The following ZMYM4 variants were observed in gnomAD, a reference collection of about 807,000 sequenced individuals.
The protein encoded by ZMYM4 is zinc finger MYM-type protein 4.
ZMYM4 carries 31 observed loss-of-function variants against 183.2 expected under a neutral mutation model. That is an observed-to-expected ratio of 0.17 (90% CI 0.13 to 0.23). The LOEUF is 0.23. ZMYM4 is among the 10% of genes least tolerant of loss of function. The probability of loss-of-function intolerance (pLI) is 1.00; values close to 1 mark genes in which losing one functional copy is unlikely to be tolerated. For missense variants in ZMYM4, 1,273 were observed against 1,840.3 expected (o/e 0.69, Z 5.64); for synonymous variants, 592 against 631.2 (o/e 0.94, Z 0.93).
At chr1:35,367,314 AC>A (rs1644109163) in intron 5 of ZMYM4, among the ~76,000 whole-genome samples, 2 of 151,236 alleles carry the variant, frequency 1.3e-5, no homozygotes, top group Non-Finnish European at 2.9e-5. Flanking sequence ...CTGCCCTCCC[AC>A]CACCCTGGGT....
chr1:35,276,471 C>T (rs1051621313), intron 1 of ZMYM4, among the ~76,000 whole-genome samples: 3 of 152,102 alleles, frequency 2.0e-5, no homozygotes, highest in Non-Finnish European at 2.9e-5. Flanking sequence ...TTCCTTAATC[C>T]AGTCTGTGTT....
rs552272129 is a variant in ZMYM4, at chr1:35,408,289, C to A, written c.3948+130C>A. The A allele has an allele frequency of 7.1e-5, 85 of 1,193,812 alleles. 1 individual carries two copies. In the South Asian group the frequency reaches 1.3e-3, roughly 18 times the overall value. The allele number at this position is 1,193,812 out of a possible 1,614,324, so 74.0% of individuals were successfully genotyped here. A position where few individuals can be genotyped will look rare whatever the true frequency, so the allele number is the denominator to read the frequency against. On this transcript the variant is annotated intron_variant, in intron 26 of 29. Coordinates refer to ENST00000314607, the MANE Select transcript of ZMYM4 (RefSeq NM_005095.3). ...ATTTTCATTGGAACATTGTTTTTAA[C>A]AACAAATTGGAAACCGCTCAAGTGT...
Position 35,392,665 on chromosome 1 carries a change from C to G in ZMYM4, c.2747C>G (p.Thr916Arg). The change falls in exon 17 of 30, where the codon ACA becomes AGA. Residue 916 changes from threonine (T) to arginine (R), a missense_variant. This residue lies in a region of ZMYM4 where 290 missense variants were observed against 353.3 expected (regional missense o/e 0.82). Coordinates refer to ENST00000314607, the MANE Select transcript of ZMYM4 (RefSeq NM_005095.3). ...SVLQGAVPTVTAKIIGDASTQ... is the reference protein window; with the variant it reads ...SVLQGAVPTVRAKIIGDASTQ... ...TATCAAGGTGCAGTTCCAACAGTAA[C>G]AGCGAAAATCATCGGTGATGTAAGT... 1 of 1,594,408 alleles carries G rather than the reference C, an allele frequency of 6.3e-7. No homozygotes were observed. Among genetic ancestry groups the G allele is most frequent in the Non-Finnish European group, 8.5e-7 (1 of 1,174,576 alleles).
intron 1 of ZMYM4, among the ~76,000 whole-genome samples, chr1:35,274,252 G>T (rs1212803560): frequency 6.6e-6 from 1 of 152,178 alleles, no homozygotes; most frequent in Non-Finnish European, 1.5e-5. Context: ...CAAATACAGT[G>T]ATTCTGCATT....
chr1:35,352,255 GCGCA>G (rs1397968222), intron 2 of ZMYM4, among the ~76,000 whole-genome samples: 9 of 99,356 alleles, frequency 9.1e-5, no homozygotes, highest in South Asian at 3.5e-4. Flanking sequence ...AAAAATTAGC[GCGCA>G]CGCGCGCGCG....
In ZMYM4 at chr1:35,387,078, C is replaced by T. The variant is rs2148980329; in HGVS notation, c.1912C>T (p.Pro638Ser). 6.2e-7 allele frequency: 1 copy of T among 1,614,196 alleles called. No homozygotes were observed. Among genetic ancestry groups the T allele is most frequent in the East Asian group, 2.2e-5 (1 of 44,890 alleles). Residue 638 changes from proline to serine, a missense_variant, in exon 12 of 30, where the codon CCC becomes TCC. This residue lies in a region of ZMYM4 where 319 missense variants were observed against 518.1 expected (regional missense o/e 0.62). Transcript: ENST00000314607. ...LSQGQVIVSI[P>S]TGSTVSAGGG... ...TCAGGGCCAAGTAATTGTAAGCATCCCCACAGGTTCCACAGTGTCAGCCGG... is the reference window on the plus strand; with the variant it reads ...TCAGGGCCAAGTAATTGTAAGCATCTCCACAGGTTCCACAGTGTCAGCCGG...
At chr1:35,287,439 TTAAAAC>T (rs778577238) in intron 1 of ZMYM4, among the ~76,000 whole-genome samples, 9 of 151,918 alleles carry the variant, frequency 5.9e-5, no homozygotes, top group Non-Finnish European at 1.2e-4. Flanking sequence ...GTTTTTGTCT[TTAAAAC>T]TAAAAATCTT....
At chr1:35,308,152 T>C (rs1052979382) in intron 1 of ZMYM4, among the ~76,000 whole-genome samples, 2 of 152,132 alleles carry the variant, frequency 1.3e-5, no homozygotes, top group African/African-American at 4.8e-5. Context: ...TCATCACACC[T>C]GGCTAATTTT....
intron 1 of ZMYM4, among the ~76,000 whole-genome samples, chr1:35,272,924 C>T (rs1639690667): frequency 6.6e-6 from 1 of 152,122 alleles, no homozygotes; most frequent in African/African-American, 2.4e-5. Context: ...CCATGTTAGC[C>T]AGGATGGTCT....
chr1:35,372,435 A>G (rs1644233979), intron 7 of ZMYM4, among the ~76,000 whole-genome samples: 1 of 152,040 alleles, frequency 6.6e-6, no homozygotes. Context: ...TTAGTTAGAA[A>G]GAATTGAAGA....
intron 25 of ZMYM4, among the ~76,000 whole-genome samples, chr1:35,407,540 T>C (rs1055896567): frequency 1.3e-5 from 2 of 152,180 alleles, no homozygotes; most frequent in Non-Finnish European, 2.9e-5. Context: ...GAGACAAATA[T>C]AGTATCTTGT....
In ZMYM4 at chr1:35,281,906, T is replaced by TA. The variant is rs1570240820; in HGVS notation, c.39+12822dup. Among the ~76,000 whole-genome samples, 7 of 152,212 alleles carry TA rather than the reference T, an allele frequency of 4.6e-5. No individual in the cohort carries two copies. In the East Asian group the frequency reaches 1.3e-3, roughly 29 times the overall value. ...TAGATATTTCATGTAAGTGGACTCA[T>TA]ACAATATTTATCCTTTGGTGTCTGA... On this transcript the variant is annotated intron_variant, in intron 1 of 29. Transcript: ENST00000314607.
intron 1 of ZMYM4, among the ~76,000 whole-genome samples, chr1:35,283,525 A>T (rs1252044844): frequency 6.6e-6 from 1 of 150,394 alleles, no homozygotes; most frequent in Admixed American, 6.6e-5. Flanking sequence ...TTTTTAGTAG[A>T]GACAGGTTTC....
intron 1 of ZMYM4, among the ~76,000 whole-genome samples, chr1:35,308,444 A>C (rs1272496828): frequency 6.6e-6 from 1 of 152,148 alleles, no homozygotes; most frequent in Non-Finnish European, 1.5e-5. Context: ...GAAATTTCAG[A>C]CTTTTAGGCC....
intron 1 of ZMYM4, among the ~76,000 whole-genome samples, chr1:35,300,084 T>C (rs939317687): frequency 6.6e-6 from 1 of 152,100 alleles, no homozygotes; most frequent in Non-Finnish European, 1.5e-5. Flanking sequence ...CATGAGCCAC[T>C]ATGCCCGGCA....
intron 23 of ZMYM4, among the ~76,000 whole-genome samples, chr1:35,401,623 C>G (rs1242029163): frequency 6.6e-6 from 1 of 151,940 alleles, no homozygotes; most frequent in Admixed American, 6.6e-5. Flanking sequence ...TGAGGAAGTC[C>G]CTTTTATCAA....
rs377032455 is a variant in ZMYM4, at chr1:35,297,557, T to C, written c.40-27803T>C. Among the ~76,000 whole-genome samples the C allele has an allele frequency of 2.6e-5, 4 of 152,314 alleles. No individual in the cohort carries two copies. In the East Asian group the frequency reaches 7.7e-4, roughly 29 times the overall value. On this transcript the variant is annotated intron_variant, in intron 1 of 29. Transcript: ENST00000314607. Reference sequence around the variant, plus strand: ...TTCTCTGACTGTGACTTGAGCTGACTTAACGGACCTGAACTTGTTATTTTC... The same window carrying C: ...TTCTCTGACTGTGACTTGAGCTGACCTAACGGACCTGAACTTGTTATTTTC...
intron 5 of ZMYM4, among the ~76,000 whole-genome samples, chr1:35,369,770 T>A (rs886319722): frequency 1.6e-4 from 24 of 151,920 alleles, no homozygotes; most frequent in Admixed American, 1.5e-3. Flanking sequence ...AAATTAAAGA[T>A]TTTTCAAAAA....
rs537646492 is a variant in ZMYM4 at position 35,363,744 on chromosome 1, G to C, written c.840+1955G>C. 2.0e-5 allele frequency among the ~76,000 whole-genome samples: 3 copies of C among 152,320 alleles called. No homozygotes were observed. In the East Asian group the frequency reaches 5.8e-4, roughly 29 times the overall value. On this transcript the variant is annotated intron_variant, in intron 5 of 29. Coordinates refer to ENST00000314607, the MANE Select transcript of ZMYM4 (RefSeq NM_005095.3). ...AAATAAAAGCATGTTTATAGAAGCA[G>C]GTAATGGAGATCTTAGATATCTGAA...
Sources: allele counts gnomAD v4.1 joint callset (sites outside exome capture counted in the v4.1 genomes callset), GRCh38; gene constraint gnomAD v4.1.1; regional missense constraint gnomAD v4.1.1; transcripts MANE v1.5; gene names NCBI Gene and HGNC (gene_info 2026-07-23, HGNC 2026-07-21).